MAST4: variants seen among roughly 807,000 people sequenced by gnomAD.
MAST4 encodes microtubule-associated serine/threonine-protein kinase 4.
MAST4 carries 89 observed loss-of-function variants against 162.7 expected under a neutral mutation model. That is an observed-to-expected ratio of 0.55 (90% confidence interval 0.46 to 0.65). MAST4 has a LOEUF of 0.65. Among genes scored for constraint, MAST4 ranks in the 30% least tolerant of loss-of-function variants. The pLI is 0.00. For synonymous variants in MAST4, 1,479 were observed against 1,361.1 expected, an observed-to-expected ratio of 1.09 and a Z score of -1.91; for missense variants, 3,153 against 3,374.0, an observed-to-expected ratio of 0.93 and a Z score of 1.62.
intron 3 of MAST4, among the ~76,000 whole-genome samples, chr5:66,795,991 G>C (rs1755628303): frequency 6.6e-6 from 1 of 152,136 alleles, no homozygotes; most frequent in Non-Finnish European, 1.5e-5. Context: ...TTATAGTGAA[G>C]GGATGAATTT....
At chr5:66,777,977 C>T (rs1385484289) in intron 2 of MAST4, among the ~76,000 whole-genome samples, 1 of 152,158 alleles carries the variant, frequency 6.6e-6, no homozygotes, top group Non-Finnish European at 1.5e-5. Flanking sequence ...TTAGACATGT[C>T]TAGCAATTCA....
intron 26 of MAST4, among the ~76,000 whole-genome samples, chr5:67,157,305 G>A (rs139316646): frequency 5.7e-4 from 87 of 152,274 alleles, no homozygotes; most frequent in Admixed American, 1.6e-3. Context: ...TGTCTTTGGC[G>A]TATGCCTGTA....
chr5:66,974,013 T>A (rs557615196), intron 4 of MAST4, among the ~76,000 whole-genome samples: 3 of 152,264 alleles, frequency 2.0e-5, no homozygotes, highest in Non-Finnish European at 2.9e-5. Flanking sequence ...ATGTTCTAGC[T>A]GTCCAGAGCA....
At position 67,167,264 on chromosome 5, in the gene MAST4, CAAAAAAAAAAAAAAAAAAA is replaced by C; in HGVS notation, c.*224_*242del. The C allele has an allele frequency of 1.3e-5, 1 of 77,076 alleles. No homozygotes were observed. The highest frequency in any genetic ancestry group is 2.4e-5 in the Non-Finnish European group (1 of 40,876). The allele number at this position is 77,076 out of a possible 1,614,324, so 4.8% of individuals were successfully genotyped here. A position where few individuals can be genotyped will look rare whatever the true frequency, so the allele number is the denominator to read the frequency against. On this transcript the variant is annotated 3_prime_UTR_variant, in exon 29 of 29. Coordinates refer to ENST00000403625, the MANE Select transcript of MAST4 (RefSeq NM_001164664.2). ...AAACTGTTACCAGATAGTGTTTGTACAAAAAAAAAAAAAAAAAAAAAAAAAAAAATTACCTTTACAGTTG... is the reference window on the plus strand; with the variant it reads ...AAACTGTTACCAGATAGTGTTTGTACAAAAAAAAAATTACCTTTACAGTTG...
At chr5:66,753,675 A>C (rs1169688397) in intron 1 of MAST4, among the ~76,000 whole-genome samples, 150 of 151,432 alleles carry the variant, frequency 9.9e-4, no homozygotes, top group African/African-American at 3.3e-3. Flanking sequence ...TACCAACCAA[A>C]CAGAGTCCAG....
At chr5:67,154,671 G>A (rs1346007336) in intron 26 of MAST4, among the ~76,000 whole-genome samples, 1 of 152,168 alleles carries the variant, frequency 6.6e-6, no homozygotes, top group Non-Finnish European at 1.5e-5. Flanking sequence ...CACTGAAACT[G>A]CTTAAACAGT....
At chr5:67,092,835 G>T (rs553471105) in intron 6 of MAST4, among the ~76,000 whole-genome samples, 2 of 126,232 alleles carry the variant, frequency 1.6e-5, no homozygotes, top group East Asian at 4.3e-4. Context: ...AAAGATCATT[G>T]GCTCTGGTTG....
chr5:66,867,644 A>T (rs34288124), intron 3 of MAST4, among the ~76,000 whole-genome samples: 1,593 of 152,324 alleles, frequency 0.01, 24 homozygotes, highest in Middle Eastern at 0.037. Flanking sequence ...TTTATTAATG[A>T]TAGTTATCCC....
At chr5:67,076,133 T>G (rs1761619697) in intron 5 of MAST4, among the ~76,000 whole-genome samples, 2 of 152,186 alleles carry the variant, frequency 1.3e-5, no homozygotes, top group Non-Finnish European at 2.9e-5. Flanking sequence ...CCCTGCAGGA[T>G]TTGATACCAG....
chr5:66,933,719 C>T (rs755561618), intron 4 of MAST4, among the ~76,000 whole-genome samples: 16 of 152,168 alleles, frequency 1.1e-4, no homozygotes, highest in African/African-American at 3.1e-4. Flanking sequence ...TCAGTGCTTC[C>T]CAAACCAAGT....
intron 1 of MAST4, among the ~76,000 whole-genome samples, chr5:66,676,045 A>G (rs1245348338): frequency 6.6e-6 from 1 of 152,218 alleles, no homozygotes; most frequent in African/African-American, 2.4e-5. Flanking sequence ...GACGCATGAA[A>G]TCTTCATTGA....
At chr5:67,068,183 G>A (rs1229217762) in intron 5 of MAST4, among the ~76,000 whole-genome samples, 2 of 152,180 alleles carry the variant, frequency 1.3e-5, no homozygotes, top group African/African-American at 4.8e-5. Context: ...CCTGAACACA[G>A]TGTTTAGATG....
intron 5 of MAST4, among the ~76,000 whole-genome samples, chr5:67,056,463 A>G (rs773660041): frequency 6.6e-6 from 1 of 152,198 alleles, no homozygotes. Context: ...TCCTCTTTAT[A>G]GTATTTATAG....
intron 4 of MAST4, among the ~76,000 whole-genome samples, chr5:66,951,601 T>C (rs1362189492): frequency 2.0e-4 from 4 of 20,208 alleles, no homozygotes; most frequent in Non-Finnish European, 4.4e-4. Flanking sequence ...CCATGATATG[T>C]GTGTGTGTGT....
intron 3 of MAST4, among the ~76,000 whole-genome samples, chr5:66,838,599 G>A (rs1272720134): frequency 6.6e-6 from 1 of 152,178 alleles, no homozygotes; most frequent in Non-Finnish European, 1.5e-5. Flanking sequence ...ACTATCATCA[G>A]TCAAGATACA....
intron 5 of MAST4, 91 bp from the exon 6 acceptor site, chr5:67,090,071 G>T: frequency 1.2e-5 from 11 of 903,558 alleles, no homozygotes; most frequent in East Asian, 6.3e-5. Flanking sequence ...CTACAGAAAT[G>T]TAAATAAACT....
chr5:66,802,893 T>G (rs545745128), intron 3 of MAST4, among the ~76,000 whole-genome samples: 13 of 152,284 alleles, frequency 8.5e-5, no homozygotes, highest in South Asian at 4.1e-4. Context: ...TCTGCTAAGA[T>G]TTTTATTCAG....
chr5:67,120,461 AC>A (rs1323534778), intron 13 of MAST4, among the ~76,000 whole-genome samples: 3 of 152,198 alleles, frequency 2.0e-5, no homozygotes, highest in Non-Finnish European at 2.9e-5. Context: ...TTTGAGCTAA[AC>A]TTTTTAAAGA....
At position 67,165,696 on chromosome 5, in the gene MAST4, A is replaced by C; in HGVS notation, c.6517A>C (p.Ser2173Arg). The C allele has an allele frequency of 6.3e-7, 1 of 1,581,224 alleles. No homozygotes were observed. The highest frequency in any genetic ancestry group is 8.6e-7 in the Non-Finnish European group (1 of 1,164,636). The change falls in exon 29 of 29, where the codon AGC becomes CGC. Residue 2173 changes from serine (S) to arginine (R), a missense_variant. Around this residue, in one of 7 missense-constraint regions of MAST4, gnomAD observed 1,644 missense variants for 1,495.0 expected, o/e 1.10. Transcript: ENST00000403625. ...GGCCAAGCCCAGCACTGCAGAGCCC[A>C]GCTCGAGCCCCCAGGACCCTCCCAA... The part of the protein sequence containing the change: ...PGAKPSTAEP[S>R]SSPQDPPKPV...
Sources: gnomAD v4.1 joint callset for allele counts (sites outside exome capture counted in the v4.1 genomes callset) on GRCh38, gnomAD v4.1.1 for gene constraint, gnomAD v4.1.1 regional missense constraint, MANE v1.5 for transcripts, NCBI Gene and HGNC (gene_info 2026-07-23, HGNC 2026-07-21) for gene names.